CA10: variants seen among roughly 807,000 people sequenced by gnomAD.
CA10 encodes carbonic anhydrase 10 (inactive), also known as carbonic anhydrase-related protein 10.
Under a neutral mutation model 44.2 loss-of-function variants are expected in CA10, and 14 were observed. The observed-to-expected ratio is 0.32, with a 90% CI of 0.21 to 0.50. The LOEUF is 0.50. Ranked by LOEUF, CA10 falls within the 20% of genes least tolerant of loss-of-function variation. The probability of loss-of-function intolerance (pLI) is 0.99; values close to 1 mark genes in which losing one functional copy is unlikely to be tolerated. For synonymous variants in CA10, 159 were observed against 141.6 expected, an observed-to-expected ratio of 1.12 and a Z score of -0.87; for missense variants, 350 against 409.7, an observed-to-expected ratio of 0.85 and a Z score of 1.26.
At chr17:51,896,004 A>G (rs1981051532) in intron 3 of CA10, among the ~76,000 whole-genome samples, 1 of 152,130 alleles carries the variant, frequency 6.6e-6, no homozygotes, top group Non-Finnish European at 1.5e-5. Context: ...AGAAATAGGC[A>G]ATGTTCCATG....
At chr17:52,105,476 C>T (rs1037850428) in intron 1 of CA10, among the ~76,000 whole-genome samples, 4 of 151,172 alleles carry the variant, frequency 2.6e-5, no homozygotes, top group African/African-American at 9.9e-5. Context: ...AGGATGGTCT[C>T]AATCTCCTGA....
At chr17:51,960,924 G>A (rs770628824) in intron 2 of CA10, among the ~76,000 whole-genome samples, 1 of 152,174 alleles carries the variant, frequency 6.6e-6, no homozygotes, top group Non-Finnish European at 1.5e-5. Flanking sequence ...GTATTCCTGT[G>A]AGGTATTTTG....
At chr17:51,712,035 T>A (rs1036195397) in intron 4 of CA10, among the ~76,000 whole-genome samples, 1 of 152,182 alleles carries the variant, frequency 6.6e-6, no homozygotes, top group African/African-American at 2.4e-5. Context: ...TTGAGTGATC[T>A]TAGGCAAGAC....
At chr17:51,905,386 G>A (rs1279100761) in intron 3 of CA10, among the ~76,000 whole-genome samples, 1 of 152,138 alleles carries the variant, frequency 6.6e-6, no homozygotes, top group Non-Finnish European at 1.5e-5. Context: ...GCTCTTGACT[G>A]TTGGTTAAGT....
chr17:52,086,989 G>T (rs1267797791), intron 1 of CA10, among the ~76,000 whole-genome samples: 1 of 152,112 alleles, frequency 6.6e-6, no homozygotes, highest in African/African-American at 2.4e-5. Context: ...TCAAGAATGT[G>T]CACCTTCTCT....
rs147713467 is a variant in CA10, at chr17:51,707,595, A to T, written c.465+40038T>A. ...CTTACCAGGGGAGGAAAGAAGATAA[A>T]TTTATTGTATATGAATGAATTAACA... is the stretch of plus-strand genomic sequence containing the variant. On this transcript the variant is annotated intron_variant, in intron 4 of 8. Transcript: ENST00000451037. Among the ~76,000 whole-genome samples the T allele has an allele frequency of 3.0e-3, 459 of 151,968 alleles. 1 individual carries two copies. Among genetic ancestry groups the T allele is most frequent in the Non-Finnish European group, 4.5e-3 (309 of 67,988 alleles).
intron 3 of CA10, among the ~76,000 whole-genome samples, chr17:51,923,370 A>C (rs1055989969): frequency 6.6e-6 from 1 of 152,134 alleles, no homozygotes; most frequent in African/African-American, 2.4e-5. Context: ...TACCTCTTCC[A>C]TAAAGTCTTG....
At chr17:51,758,299 A>G (rs758760608) in intron 3 of CA10, among the ~76,000 whole-genome samples, 3 of 152,244 alleles carry the variant, frequency 2.0e-5, no homozygotes, top group Admixed American at 1.3e-4. Context: ...TTCAAATAAT[A>G]CATGATTTAT....
At chr17:51,677,421 C>T (rs1026090313) in intron 4 of CA10, among the ~76,000 whole-genome samples, 1 of 152,134 alleles carries the variant, frequency 6.6e-6, no homozygotes, top group Non-Finnish European at 1.5e-5. Context: ...TGAAGAGGCA[C>T]CTGCTCCTGC....
At chr17:51,772,590 G>A (rs1905652878) in intron 3 of CA10, among the ~76,000 whole-genome samples, 1 of 152,058 alleles carries the variant, frequency 6.6e-6, no homozygotes, top group Admixed American at 6.5e-5. Flanking sequence ...AGCCACCACA[G>A]CCACCAGGTT....
chr17:52,072,539 C>CTT (rs5820905), intron 1 of CA10, 146 bp from the exon 2 acceptor site: 17,322 of 363,370 alleles, frequency 0.048, 2 homozygotes, highest in South Asian at 0.068. Context: ...TCTCCCTTCC[C>CTT]TTTTTTTTTT....
intron 4 of CA10, among the ~76,000 whole-genome samples, chr17:51,671,412 T>TTTTTG (rs1487159485): frequency 2.6e-5 from 4 of 151,980 alleles, no homozygotes; most frequent in Non-Finnish European, 5.9e-5. Context: ...TTTGTTTTTG[T>TTTTTG]TTTTGTTTTT....
intron 2 of CA10, among the ~76,000 whole-genome samples, chr17:52,067,099 T>C (rs763653124): frequency 1.2e-4 from 19 of 152,234 alleles, no homozygotes; most frequent in Non-Finnish European, 2.4e-4. Flanking sequence ...CAAATTTTAA[T>C]AGCCAAGACA....
At chr17:51,930,887 G>A (rs1982630051) in intron 3 of CA10, 103 bp downstream of exon 3, 2 of 1,342,196 alleles carry the variant, frequency 1.5e-6, no homozygotes, top group Non-Finnish European at 2.1e-6. Flanking sequence ...ATTCCTAGGT[G>A]GGAGGACAAA....
At chr17:51,696,619 T>G (rs985194930) in intron 4 of CA10, among the ~76,000 whole-genome samples, 2 of 152,228 alleles carry the variant, frequency 1.3e-5, no homozygotes, top group African/African-American at 4.8e-5. Flanking sequence ...TCTTCTCTTT[T>G]GCTAGCTTTG....
chr17:51,900,796 A>G (rs1215966956), intron 3 of CA10, among the ~76,000 whole-genome samples: 1 of 152,134 alleles, frequency 6.6e-6, no homozygotes, highest in Non-Finnish European at 1.5e-5. Flanking sequence ...AGCTTGGTCA[A>G]TTCTGCTGTT....
At chr17:52,153,034 G>A (rs1989735920) in intron 1 of CA10, among the ~76,000 whole-genome samples, 1 of 152,076 alleles carries the variant, frequency 6.6e-6, no homozygotes, top group African/African-American at 2.4e-5. Context: ...TTAGTCCCAA[G>A]TATGTAATGC....
intron 3 of CA10, among the ~76,000 whole-genome samples, chr17:51,913,760 G>C (rs1235484407): frequency 6.6e-6 from 1 of 152,150 alleles, no homozygotes; most frequent in Non-Finnish European, 1.5e-5. Context: ...GGCAGCAACA[G>C]TGTTTGGTGG....
At chr17:51,968,248 T>C (rs1433794224) in intron 2 of CA10, among the ~76,000 whole-genome samples, 1 of 151,898 alleles carries the variant, frequency 6.6e-6, no homozygotes, top group Non-Finnish European at 1.5e-5. Flanking sequence ...TCAAAACCTG[T>C]ATGCAGATAT....
Sources: gnomAD v4.1 joint callset for allele counts (sites outside exome capture counted in the v4.1 genomes callset) on GRCh38, gnomAD v4.1.1 for gene constraint, MANE v1.5 for transcripts, NCBI Gene and HGNC (gene_info 2026-07-23, HGNC 2026-07-21) for gene names.